BCAR3: variants seen among roughly 807,000 people sequenced by gnomAD.
The protein encoded by BCAR3 is breast cancer anti-estrogen resistance protein 3.
Under a neutral mutation model 80.1 loss-of-function variants are expected in BCAR3, and 37 were observed. The observed-to-expected ratio is 0.46, with a 90% CI of 0.36 to 0.61. BCAR3 has a LOEUF of 0.61. BCAR3 is among the 20% of genes least tolerant of loss of function. BCAR3 has a pLI of 0.00. For missense variants in BCAR3, 978 were observed against 1,068.2 expected (o/e 0.92, Z 1.18); for synonymous variants, 389 against 418.9 (o/e 0.93, Z 0.87).
At chr1:93,562,694 C>A (rs1389814006) in intron 11 of BCAR3, among the ~76,000 whole-genome samples, 3 of 149,258 alleles carry the variant, frequency 2.0e-5, no homozygotes, top group Admixed American at 1.3e-4. Context: ...TGGCGTGAAC[C>A]CGGGAGGTGG....
In BCAR3 at chr1:93,808,982, A is replaced by G. The variant is rs148119591; in HGVS notation, c.-63+36585T>C. Reference sequence around the variant, plus strand: ...TCAGACAAACATAACCAACTCAACAATGATTTCAAAACAAAGCGTAAAAGT... The same window carrying G: ...TCAGACAAACATAACCAACTCAACAGTGATTTCAAAACAAAGCGTAAAAGT... On this transcript the variant is annotated intron_variant, in intron 2 of 13. Transcript: ENST00000370244. 2.6e-3 allele frequency among the ~76,000 whole-genome samples: 389 copies of G among 152,300 alleles called. 1 individual carries two copies. Among genetic ancestry groups the G allele is most frequent in the African/African-American group, 8.8e-3 (366 of 41,564 alleles).
chr1:93,593,611 G>A (rs989060016), intron 3 of BCAR3, among the ~76,000 whole-genome samples: 2 of 151,978 alleles, frequency 1.3e-5, no homozygotes, highest in Admixed American at 6.6e-5. Context: ...CTGGGCTCAA[G>A]CGATCCACCC....
intron 3 of BCAR3, among the ~76,000 whole-genome samples, chr1:93,705,137 G>C (rs556923831): frequency 2.6e-5 from 4 of 152,234 alleles, no homozygotes; most frequent in East Asian, 1.9e-4. Flanking sequence ...TTAGGAGAAG[G>C]GGGTGGAGTC....
intron 2 of BCAR3, among the ~76,000 whole-genome samples, chr1:93,736,382 T>C (rs1269911741): frequency 2.0e-5 from 3 of 152,048 alleles, no homozygotes; most frequent in African/African-American, 7.2e-5. Context: ...AGAAACGGGG[T>C]TTCATCATGT....
chr1:93,650,998 T>C (rs1676307100), intron 2 of BCAR3, among the ~76,000 whole-genome samples: 1 of 152,192 alleles, frequency 6.6e-6, no homozygotes, highest in Non-Finnish European at 1.5e-5. Flanking sequence ...TCTGGAATAT[T>C]CACTTATACC....
At chr1:93,736,476 C>T (rs1266182496) in intron 2 of BCAR3, among the ~76,000 whole-genome samples, 4 of 152,214 alleles carry the variant, frequency 2.6e-5, no homozygotes, top group Non-Finnish European at 4.4e-5. Flanking sequence ...CGTGAGCCAC[C>T]GTGCCTGGCC....
intron 2 of BCAR3, among the ~76,000 whole-genome samples, chr1:93,789,999 T>C (rs1653085119): frequency 6.6e-6 from 1 of 152,184 alleles, no homozygotes; most frequent in Admixed American, 6.6e-5. Context: ...CTTCCCCATT[T>C]GGTCAGAAGT....
chr1:93,799,271 A>G (rs1003067365), intron 2 of BCAR3, among the ~76,000 whole-genome samples: 2 of 152,184 alleles, frequency 1.3e-5, no homozygotes, highest in African/African-American at 4.8e-5. Flanking sequence ...AAAGAACAAA[A>G]ATGGTAGCTG....
intron 2 of BCAR3, among the ~76,000 whole-genome samples, chr1:93,775,794 A>T (rs1385841272): frequency 6.6e-6 from 1 of 152,224 alleles, no homozygotes; most frequent in Non-Finnish European, 1.5e-5. Context: ...GAAAGGTCCA[A>T]ATCATGCTTA....
At chr1:93,715,893 T>C (rs562839582) in intron 2 of BCAR3, among the ~76,000 whole-genome samples, 1 of 152,318 alleles carries the variant, frequency 6.6e-6, no homozygotes, top group East Asian at 1.9e-4. Flanking sequence ...CAAACCTTAA[T>C]GCGTTTGAGT....
At chr1:93,726,655 G>A (rs191198282) in intron 2 of BCAR3, among the ~76,000 whole-genome samples, 1 of 152,214 alleles carries the variant, frequency 6.6e-6, no homozygotes, top group Non-Finnish European at 1.5e-5. Context: ...GTGTCTTATA[G>A]TTGATGGCAT....
chr1:93,842,254 C>T (rs1271329802), intron 2 of BCAR3, among the ~76,000 whole-genome samples: 2 of 151,520 alleles, frequency 1.3e-5, no homozygotes, highest in Non-Finnish European at 2.9e-5. Context: ...CAGGTTCAAG[C>T]AGTCCTCCTG....
intron 2 of BCAR3, among the ~76,000 whole-genome samples, chr1:93,773,118 T>C (rs965656643): frequency 1.3e-5 from 2 of 152,194 alleles, no homozygotes; most frequent in African/African-American, 4.8e-5. Flanking sequence ...AAACAGGTTT[T>C]AGCTTGCAGA....
At chr1:93,634,136 C>T (rs1345523727) in intron 3 of BCAR3, among the ~76,000 whole-genome samples, 2 of 152,206 alleles carry the variant, frequency 1.3e-5, no homozygotes, top group African/African-American at 4.8e-5. Context: ...TGTTTTCTGT[C>T]ACTATAAGTT....
At chr1:93,613,698 G>A (rs921224778) in intron 3 of BCAR3, 13 of 934,130 alleles carry the variant, frequency 1.4e-5, no homozygotes, top group African/African-American at 1.3e-4. Context: ...CACCACTAGG[G>A]GCTCTTGAAG....
At chr1:93,718,501 G>C (rs1185923752) in intron 2 of BCAR3, among the ~76,000 whole-genome samples, 5 of 152,112 alleles carry the variant, frequency 3.3e-5, no homozygotes, top group African/African-American at 1.2e-4. Flanking sequence ...CCATATCCTA[G>C]CTGTGGCCTT....
At chr1:93,802,071 G>A (rs1410203454) in intron 2 of BCAR3, among the ~76,000 whole-genome samples, 2 of 151,890 alleles carry the variant, frequency 1.3e-5, no homozygotes, top group African/African-American at 4.8e-5. Flanking sequence ...GGAGGTTGCA[G>A]TGAGCTGGGA....
intron 2 of BCAR3, among the ~76,000 whole-genome samples, chr1:93,725,077 C>T (rs1375301956): frequency 3.9e-5 from 6 of 152,238 alleles, no homozygotes; most frequent in African/African-American, 1.2e-4. Flanking sequence ...TCGTAGCCCA[C>T]AGCACTCGTC....
rs571777280 is a variant in BCAR3, at chr1:93,745,865, C to A, written c.-62-39723G>T. On this transcript the variant is annotated intron_variant, in intron 2 of 13. Transcript: ENST00000370244. The stretch of plus-strand genomic sequence containing the variant: ...CACCAGCCTGGTCAACATAGTAAGA[C>A]CCCATCTCTATTTTAAAAAATTAAA... Among the ~76,000 whole-genome samples, 22 of 152,318 alleles carry A rather than the reference C, an allele frequency of 1.4e-4. No individual in the cohort carries two copies. The East Asian group carries it at 4.2e-3, about 29-fold the overall frequency.
Sources: allele counts gnomAD v4.1 joint callset (sites outside exome capture counted in the v4.1 genomes callset), GRCh38; gene constraint gnomAD v4.1.1; transcripts MANE v1.5; gene names NCBI Gene and HGNC (gene_info 2026-07-23, HGNC 2026-07-21).